EIF4A1: variants seen among roughly 807,000 people sequenced by gnomAD.
EIF4A1 encodes eukaryotic translation initiation factor 4A1, also known as eukaryotic initiation factor 4A-I.
Under a neutral mutation model 53.5 loss-of-function variants are expected in EIF4A1, and 11 were observed. That is an observed-to-expected ratio of 0.21 (90% CI 0.13 to 0.34). The LOEUF (loss-of-function observed/expected upper bound fraction) is 0.34, where lower values mean the gene tolerates loss of function less well. EIF4A1 is among the 10% of genes least tolerant of loss of function. The pLI is 1.00. For synonymous variants in EIF4A1, 237 were observed against 186.7 expected, an observed-to-expected ratio of 1.27 and a Z score of -2.20; for missense variants, 213 against 530.8, an observed-to-expected ratio of 0.40 and a Z score of 5.88.
rs772046309 is a variant in EIF4A1, at chr17:7,577,974, CCAAGGGGACAT to C, written c.996+61_996+71del. On this transcript the variant is annotated intron_variant, in intron 9 of 10. Coordinates refer to ENST00000293831, the MANE Select transcript of EIF4A1 (RefSeq NM_001416.4). The surrounding 1 kb of genome is among the most constrained non-coding windows in gnomAD (Gnocchi z 4.7). ...GGGAGGATCCAAGGTGATTCCCTCT[CCAAGGGGACAT>C]CAGTGCCTCTCAGGAAAGTAGCAGC... is the stretch of plus-strand genomic sequence containing the variant. 1.9e-6 allele frequency: 3 copies of C among 1,603,120 alleles called. No homozygotes were observed. The highest frequency in any genetic ancestry group is 2.6e-6 in the Non-Finnish European group (3 of 1,170,102).
At chr17:7,576,049 T>C in intron 4 of EIF4A1, 1 of 155,628 alleles carries the variant, frequency 6.4e-6, no homozygotes, top group South Asian at 1.9e-4. Flanking sequence ...GGCGTGTGCC[T>C]TTTATCCCAG....
At chr17:7,573,982 G>C (rs2071364672) in intron 1 of EIF4A1, 1 of 491,070 alleles carries the variant, frequency 2.0e-6, no homozygotes, top group African/African-American at 2.0e-5. Flanking sequence ...CACCACCTCT[G>C]GGCACCGTGA....
intron 9 of EIF4A1, 124 bp from the exon 10 acceptor site, chr17:7,578,041 T>A: frequency 6.4e-7 from 1 of 1,567,370 alleles, no homozygotes; most frequent in Non-Finnish European, 8.8e-7. Context: ...CCTAAGGCCT[T>A]TGGGGAACTG....
rs1369086268 is a variant in EIF4A1 at position 7,572,847 on chromosome 17, T to C, written c.6T>C (p.Ser2=). M[S]ASQDSRSRDN... ...CGCCCTAGTTTCTAAGGATCATGTC[T>C]GCGAGCCAGGATTCCCGGTAAGAAA... Residue 2 remains serine, a synonymous_variant, in exon 1 of 11, where the codon TCT becomes TCC. Coordinates refer to ENST00000293831, the MANE Select transcript of EIF4A1 (RefSeq NM_001416.4). The C allele has an allele frequency of 1.2e-6, 2 of 1,614,186 alleles. No homozygotes were observed. Among genetic ancestry groups the C allele is most frequent in the Admixed American group, 1.7e-5 (1 of 60,038 alleles).
Position 7,578,387 on chromosome 17 carries a change from C to T in EIF4A1, c.1122C>T (p.Asn374=), listed in dbSNP as rs1432692946. 1.2e-6 allele frequency: 2 copies of T among 1,613,616 alleles called. No individual in the cohort carries two copies. Among genetic ancestry groups the T allele is most frequent in the Non-Finnish European group, 1.7e-6 (2 of 1,179,830 alleles). Residue 374 remains asparagine (N), a synonymous_variant, in exon 11 of 11, where the codon AAC becomes AAT. Transcript: ENST00000293831. ...TTGGCCGTAAAGGTGTGGCTATTAA[C>T]ATGGTGACAGAAGAAGACAAGAGGA... is the stretch of plus-strand genomic sequence containing the variant. ...GRFGRKGVAI[N]MVTEEDKRTL...
Position 7,576,652 on chromosome 17 carries a change from C to T in EIF4A1, c.474C>T (p.Thr158=). ...QMEAPHIIVG[T]PGRVFDMLNR... is the part of the protein sequence containing the mutation. ...AAGCTCCCCACATCATCGTGGGTAC[C>T]CCTGGCCGTGTGTTTGATATGCTTA... Residue 158 remains threonine, a synonymous_variant, in exon 5 of 11, where the codon ACC becomes ACT. Transcript: ENST00000293831. The T allele has an allele frequency of 6.2e-7, 1 of 1,613,004 alleles. No individual in the cohort carries two copies. Among genetic ancestry groups the T allele is most frequent in the Non-Finnish European group, 8.5e-7 (1 of 1,179,496 alleles).
Position 7,574,629 on chromosome 17 carries a change from T to C in EIF4A1, c.156T>C (p.Phe52=). 6.2e-7 allele frequency: 1 copy of C among 1,612,368 alleles called. No individual in the cohort carries two copies. Among genetic ancestry groups the C allele is most frequent in the Non-Finnish European group, 8.5e-7 (1 of 1,180,032 alleles). Residue 52 remains phenylalanine, a synonymous_variant, in exon 3 of 11, where the codon TTT becomes TTC. Transcript: ENST00000293831. Reference sequence around the variant, plus strand: ...TCCGTGGCATCTACGCGTATGGTTTTGAGAAGCCCTCTGCCATCCAGCAGC... The same window carrying C: ...TCCGTGGCATCTACGCGTATGGTTTCGAGAAGCCCTCTGCCATCCAGCAGC... ...SLLRGIYAYG[F]EKPSAIQQRA...
chr17:7,574,424 A>G, intron 2 of EIF4A1, 116 bp downstream of exon 2: 7 of 1,604,444 alleles, frequency 4.4e-6, no homozygotes, highest in Non-Finnish European at 6.0e-6. Context: ...GTTTCCCTAA[A>G]GGGAGGAGGG....
Position 7,577,667 on chromosome 17 carries a change from C to T in EIF4A1, c.867C>T (p.Thr289=), listed in dbSNP as rs143683973. The T allele has an allele frequency of 3.7e-4, 600 of 1,612,572 alleles. 8 individuals carry two copies. In the South Asian group the frequency reaches 5.1e-3, roughly 14 times the overall value. ...INTRRKVDWL[T]EKMHARDFTV... ...CCCGGAGGAAGGTGGACTGGCTCAC[C>T]GAGAAGATGCATGCTCGAGATTTCA... Residue 289 remains threonine (T), a synonymous_variant, in exon 8 of 11, where the codon ACC becomes ACT. Coordinates refer to ENST00000293831, the MANE Select transcript of EIF4A1 (RefSeq NM_001416.4). This position sits in a 1 kb window ranked among gnomAD's most constrained non-coding sequence, Gnocchi z 4.7.
intron 3 of EIF4A1, 138 bp downstream of exon 3, chr17:7,574,816 G>A (rs201909921): frequency 7.0e-7 from 1 of 1,419,302 alleles, no homozygotes; most frequent in East Asian, 2.3e-5. Flanking sequence ...TTTGATCCGT[G>A]CCCATGCCTG....
chr17:7,576,456 A>G, intron 4 of EIF4A1, 68 bp from the exon 5 acceptor site: 1 of 1,479,756 alleles, frequency 6.8e-7, no homozygotes, highest in Non-Finnish European at 9.0e-7. Context: ...CAATACATGA[A>G]AAACATTTAA....
Position 7,574,350 on chromosome 17 carries a change from C to G in EIF4A1, c.72+42C>G, listed in dbSNP as rs778538753. ...GGAATTCTGTCCTCCCCCATTACAA[C>G]TTTCAGCCGTATAGAGTTAGAGTGG... On this transcript the variant is annotated intron_variant, in intron 2 of 10. Coordinates refer to ENST00000293831, the MANE Select transcript of EIF4A1 (RefSeq NM_001416.4). 7 of 1,614,004 alleles carry G rather than the reference C, an allele frequency of 4.3e-6. No individual in the cohort carries two copies. The Admixed American group carries it at 5.0e-5, about 12-fold the overall frequency.
intron 3 of EIF4A1, 179 bp from the exon 4 acceptor site, chr17:7,574,940 A>G (rs989210676): frequency 8.5e-5 from 88 of 1,035,652 alleles, no homozygotes; most frequent in Non-Finnish European, 1.2e-4. Flanking sequence ...TAGATGAGTT[A>G]ATAACTGGTC....
intron 9 of EIF4A1, 123 bp from the exon 10 acceptor site, chr17:7,578,042 T>TG: frequency 6.4e-7 from 1 of 1,565,284 alleles, no homozygotes. Flanking sequence ...CTAAGGCCTT[T>TG]GGGGAACTGG....
In EIF4A1 at chr17:7,578,729, T is replaced by TC. The variant is rs2071437730; in HGVS notation, c.*246dup. On this transcript the variant is annotated 3_prime_UTR_variant, in exon 11 of 11. Coordinates refer to ENST00000293831, the MANE Select transcript of EIF4A1 (RefSeq NM_001416.4). ...AAAAAAAAAAAAACACTAATCCATT[T>TC]CCCTAACCTAGTAACCTCCAGATCC... 1 of 344,938 alleles carries TC rather than the reference T, an allele frequency of 2.9e-6. No homozygotes were observed. Among genetic ancestry groups the TC allele is most frequent in the Non-Finnish European group, 5.2e-6 (1 of 192,586 alleles). 21.4% of individuals were successfully genotyped at this position (344,938 alleles called of 1,614,324 possible).
At position 7,578,857 on chromosome 17, in the gene EIF4A1, A is replaced by C; in HGVS notation, c.*371A>C. The C allele has an allele frequency of 1.2e-5, 2 of 171,716 alleles. No homozygotes were observed. The highest frequency in any genetic ancestry group is 2.5e-5 in the Non-Finnish European group (2 of 80,256). The allele number at this position is 171,716 out of a possible 1,614,324, so 10.6% of individuals were successfully genotyped here. On this transcript the variant is annotated 3_prime_UTR_variant, in exon 11 of 11. Transcript: ENST00000293831. ...CCAAATCTGGAGGGAGAACCCCTAA[A>C]ACCCCTAAGTGAGGTTGCCCAGGGG...
Position 7,577,274 on chromosome 17 carries a change from G to T in EIF4A1, c.625-70G>T, listed in dbSNP as rs1597851332. 8.2e-6 allele frequency: 13 copies of T among 1,589,612 alleles called. No homozygotes were observed. In the East Asian group the frequency reaches 2.7e-4, roughly 33 times the overall value. ...TTTTATGCATCTGCTTCAGTTTTAG[G>T]TGTGGCTAGGGAAGGGAGCAGGCCT... On this transcript the variant is annotated intron_variant, in intron 6 of 10. Coordinates refer to ENST00000293831, the MANE Select transcript of EIF4A1 (RefSeq NM_001416.4). The surrounding 1 kb of genome is among the most constrained non-coding windows in gnomAD (Gnocchi z 4.7).
intron 1 of EIF4A1, chr17:7,573,207 C>A (rs2071348068): frequency 2.1e-6 from 1 of 471,186 alleles, no homozygotes; most frequent in African/African-American, 2.0e-5. Context: ...TATGTGTGGC[C>A]CAGAGCCGGC....
intron 2 of EIF4A1, 63 bp from the exon 3 acceptor site, chr17:7,574,483 G>C: frequency 2.5e-6 from 4 of 1,606,366 alleles, no homozygotes; most frequent in Non-Finnish European, 3.4e-6. Flanking sequence ...CTGTTTGCTC[G>C]GAGACTACAG....
Sources: gnomAD v4.1 joint callset for allele counts on GRCh38, gnomAD v4.1.1 for gene constraint, Gnocchi (gnomAD v3.1) non-coding constraint, MANE v1.5 for transcripts, NCBI Gene and HGNC (gene_info 2026-07-23, HGNC 2026-07-21) for gene names.